Variants in GABRB1 observed in about 807,000 individuals in gnomAD.
GABRB1 encodes gamma-aminobutyric acid receptor subunit beta-1.
In GABRB1, 17 loss-of-function variants were observed where a neutral mutation model predicts 51.6. The ratio of observed to expected loss-of-function variants is 0.33; its 90% CI spans 0.23 to 0.49. The LOEUF (loss-of-function observed/expected upper bound fraction) is 0.49, where lower values mean the gene tolerates loss of function less well. Among genes scored for constraint, GABRB1 ranks in the 20% least tolerant of loss-of-function variants. The pLI is 0.99. For missense variants in GABRB1, 410 were observed against 600.6 expected (o/e 0.68, Z 3.32); for synonymous variants, 247 against 218.9 (o/e 1.13, Z -1.14).
At chr4:47,066,169 T>C (rs1009320025) in intron 3 of GABRB1, among the ~76,000 whole-genome samples, 2 of 152,262 alleles carry the variant, frequency 1.3e-5, no homozygotes, top group African/African-American at 4.8e-5. Context: ...TATAAAATTA[T>C]GTTTACACTA....
At chr4:47,045,755 C>A (rs1182537506) in intron 3 of GABRB1, among the ~76,000 whole-genome samples, 1 of 151,970 alleles carries the variant, frequency 6.6e-6, no homozygotes, top group Admixed American at 6.6e-5. Flanking sequence ...CTCCCAAAGA[C>A]CTCACCTCCA....
intron 3 of GABRB1, among the ~76,000 whole-genome samples, chr4:47,101,995 A>G (rs1736672371): frequency 1.3e-5 from 2 of 152,018 alleles, no homozygotes; most frequent in Non-Finnish European, 2.9e-5. Flanking sequence ...GTTCTTTGTC[A>G]GAGCTCAAAT....
intron 3 of GABRB1, among the ~76,000 whole-genome samples, chr4:47,052,430 A>G (rs1298992351): frequency 2.0e-5 from 3 of 152,244 alleles, no homozygotes. Context: ...ACAAACACAC[A>G]TTCAGGCAAG....
chr4:47,022,432 T>G (rs1289751399), intron 1 of GABRB1, among the ~76,000 whole-genome samples: 1 of 152,122 alleles, frequency 6.6e-6, no homozygotes, highest in Non-Finnish European at 1.5e-5. Flanking sequence ...GCCAAAAGAA[T>G]GACAAATTAT....
chr4:47,019,625 C>CCCTTTCTT (rs1724853699), intron 1 of GABRB1, among the ~76,000 whole-genome samples: 1 of 91,062 alleles, frequency 1.1e-5, no homozygotes, highest in Non-Finnish European at 2.1e-5. Flanking sequence ...TTCTTTCTCT[C>CCCTTTCTT]TCTTTCTTTC....
intron 4 of GABRB1, among the ~76,000 whole-genome samples, chr4:47,290,488 G>A (rs1051620084): frequency 7.9e-5 from 12 of 152,122 alleles, no homozygotes; most frequent in African/African-American, 2.4e-4. Context: ...AAATACACTC[G>A]AAAATGTGGA....
chr4:47,252,503 T>C (rs1722033309), intron 4 of GABRB1, among the ~76,000 whole-genome samples: 1 of 122,400 alleles, frequency 8.2e-6, no homozygotes, highest in Admixed American at 1.0e-4. Flanking sequence ...TTAATAGCAA[T>C]TGCCTTTTTT....
intron 4 of GABRB1, among the ~76,000 whole-genome samples, chr4:47,203,192 T>TC: frequency 6.6e-6 from 1 of 152,294 alleles, no homozygotes; most frequent in African/African-American, 2.4e-5. Context: ...CACCAGGCAC[T>TC]TCTACATAGG....
intron 4 of GABRB1, among the ~76,000 whole-genome samples, chr4:47,226,550 C>T (rs1389774931): frequency 6.6e-6 from 1 of 152,124 alleles, no homozygotes; most frequent in East Asian, 1.9e-4. Context: ...GCTCCCTTTT[C>T]TTTCCACCTA....
In GABRB1 at chr4:47,032,160, A is replaced by ACACACC. The variant is rs1412400121; in HGVS notation, c.172+156_172+157insACACCC. ...CACACACACACACACACACACACAC[A>ACACACC]CCCCGGGTCCCCAGTCTCAGGTGGA... On this transcript the variant is annotated intron_variant, in intron 2 of 8. Coordinates refer to ENST00000295454, the MANE Select transcript of GABRB1 (RefSeq NM_000812.4). Among the ~76,000 whole-genome samples the ACACACC allele has an allele frequency of 8.0e-5, 11 of 137,924 alleles. No homozygotes were observed. In the East Asian group the frequency reaches 1.9e-3, roughly 23 times the overall value. The allele number at this position is 137,924 out of a possible 152,430, so 90.5% of individuals were successfully genotyped here. A position where few individuals can be genotyped will look rare whatever the true frequency, so the allele number is the denominator to read the frequency against.
Position 47,370,325 on chromosome 4 carries a change from A to G in GABRB1, c.545-32993A>G, listed in dbSNP as rs576934205. Among the ~76,000 whole-genome samples, 14 of 152,180 alleles carry G rather than the reference A, an allele frequency of 9.2e-5. No homozygotes were observed. The East Asian group carries it at 2.7e-3, about 29-fold the overall frequency. The stretch of plus-strand genomic sequence containing the variant: ...AACATGGTGAAACCCCATCTCTACT[A>G]AAAATACAAAAATTAGCTGGGCATG... On this transcript the variant is annotated intron_variant, in intron 5 of 8. Coordinates refer to ENST00000295454, the MANE Select transcript of GABRB1 (RefSeq NM_000812.4).
At chr4:47,379,349 A>C (rs1172434507) in intron 5 of GABRB1, among the ~76,000 whole-genome samples, 1 of 152,222 alleles carries the variant, frequency 6.6e-6, no homozygotes, top group Admixed American at 6.5e-5. Context: ...GAGTACCAAT[A>C]CAGCCATTCA....
chr4:47,336,105 G>C (rs900059196), intron 5 of GABRB1, among the ~76,000 whole-genome samples: 2 of 152,148 alleles, frequency 1.3e-5, no homozygotes, highest in African/African-American at 4.8e-5. Context: ...TGCAAGTAGA[G>C]CCCAGATCAG....
intron 3 of GABRB1, among the ~76,000 whole-genome samples, chr4:47,072,294 T>C (rs1217813300): frequency 6.6e-6 from 1 of 152,190 alleles, no homozygotes; most frequent in East Asian, 1.9e-4. Context: ...AGATTACACA[T>C]GGATTACAAT....
At chr4:47,252,480 A>G (rs73150154) in intron 4 of GABRB1, among the ~76,000 whole-genome samples, 1,724 of 148,606 alleles carry the variant, frequency 0.012, 30 homozygotes, top group African/African-American at 0.041. Context: ...ACAATTGACT[A>G]TCTAAGAAAC....
chr4:47,296,131 C>T (rs1359598597), intron 4 of GABRB1, among the ~76,000 whole-genome samples: 3 of 152,158 alleles, frequency 2.0e-5, no homozygotes, highest in Admixed American at 2.0e-4. Context: ...AAAGGAAAAA[C>T]CAGTACCGGC....
chr4:47,246,281 T>TATAG (rs1721735520), intron 4 of GABRB1, among the ~76,000 whole-genome samples: 1 of 94,620 alleles, frequency 1.1e-5, no homozygotes, highest in Admixed American at 1.2e-4. Context: ...TTCCATCATA[T>TATAG]ATATATATAT....
chr4:47,342,461 TATG>T (rs1228228621), intron 5 of GABRB1, among the ~76,000 whole-genome samples: 2 of 152,090 alleles, frequency 1.3e-5, no homozygotes, highest in African/African-American at 4.8e-5. Flanking sequence ...AAAGGAAAAC[TATG>T]GATAGAAAAA....
At chr4:47,391,697 T>C (rs1031562320) in intron 5 of GABRB1, among the ~76,000 whole-genome samples, 17 of 152,326 alleles carry the variant, frequency 1.1e-4, no homozygotes, top group Admixed American at 9.8e-4. Context: ...GGGAGTAAAT[T>C]AGGCTCAAGA....
Sources: allele counts gnomAD v4.1 joint callset (sites outside exome capture counted in the v4.1 genomes callset), GRCh38; gene constraint gnomAD v4.1.1; transcripts MANE v1.5; gene names NCBI Gene and HGNC (gene_info 2026-07-23, HGNC 2026-07-21).